Variants in CSNK1G1 observed in about 807,000 individuals in gnomAD.
CSNK1G1 encodes the protein casein kinase I isoform gamma-1.
A neutral mutation model predicts 59.6 loss-of-function variants in CSNK1G1; 22 were observed. That is an observed-to-expected ratio of 0.37 (90% confidence interval 0.26 to 0.53). The LOEUF is 0.53. Among genes scored for constraint, CSNK1G1 ranks in the 20% least tolerant of loss-of-function variants. The pLI is 0.89. For missense variants in CSNK1G1, 384 were observed against 519.5 expected, an observed-to-expected ratio of 0.74 and a Z score of 2.54; for synonymous variants, 179 against 177.1, an observed-to-expected ratio of 1.01 and a Z score of -0.08.
At position 64,333,257 on chromosome 15, in the gene CSNK1G1, C is replaced by CAAA. The variant is rs60857897; in HGVS notation, c.-225+22728_-225+22730dup. Among the ~76,000 whole-genome samples, 80 of 16,420 alleles carry CAAA rather than the reference C, an allele frequency of 4.9e-3. 6 individuals are homozygous for CAAA. Among genetic ancestry groups the CAAA allele is most frequent in the African/African-American group, 9.5e-3 (33 of 3,476 alleles). The allele number at this position is 16,420 out of a possible 152,430, so 10.8% of individuals were successfully genotyped here. ...GAGCAACAAGAGTGAGACTCCATCT[C>CAAA]AAAAAAAAAAAAAAAAAAAAAAAAA... On this transcript the variant is annotated intron_variant, in intron 1 of 11. Coordinates refer to ENST00000303052, the MANE Select transcript of CSNK1G1 (RefSeq NM_022048.5).
chr15:64,207,081 C>T (rs1482754892), intron 7 of CSNK1G1, among the ~76,000 whole-genome samples: 6 of 151,968 alleles, frequency 3.9e-5, no homozygotes, highest in African/African-American at 1.5e-4. Context: ...CACTGTCAAG[C>T]CTGGGAGGAA....
intron 2 of CSNK1G1, among the ~76,000 whole-genome samples, chr15:64,299,506 G>A (rs913069877): frequency 6.6e-6 from 1 of 151,508 alleles, no homozygotes; most frequent in Non-Finnish European, 1.5e-5. Flanking sequence ...GCAGGAGAAT[G>A]GCATGAACCC....
At chr15:64,226,422 G>A (rs951555838) in intron 4 of CSNK1G1, among the ~76,000 whole-genome samples, 1 of 152,126 alleles carries the variant, frequency 6.6e-6, no homozygotes, top group African/African-American at 2.4e-5. Context: ...GCTGGGCGTG[G>A]TGGTGCACGC....
intron 4 of CSNK1G1, among the ~76,000 whole-genome samples, chr15:64,226,595 AAGG>A (rs2082466299): frequency 6.7e-6 from 1 of 149,442 alleles, no homozygotes; most frequent in Non-Finnish European, 1.5e-5. Flanking sequence ...AAAAAAAAAA[AAGG>A]AGACTAACTC....
At chr15:64,212,588 C>T (rs561461989) in intron 6 of CSNK1G1, among the ~76,000 whole-genome samples, 49 of 152,262 alleles carry the variant, frequency 3.2e-4, no homozygotes, top group African/African-American at 1.1e-3. Flanking sequence ...TGATGGCATG[C>T]GCCTGTAACC....
intron 4 of CSNK1G1, among the ~76,000 whole-genome samples, chr15:64,239,212 A>C (rs2082661605): frequency 6.6e-6 from 1 of 152,236 alleles, no homozygotes; most frequent in African/African-American, 2.4e-5. Context: ...ATGCACAAAC[A>C]TCAACACAGT....
chr15:64,307,196 T>C (rs1318901424), intron 1 of CSNK1G1, among the ~76,000 whole-genome samples: 1 of 151,982 alleles, frequency 6.6e-6, no homozygotes, highest in African/African-American at 2.4e-5. Flanking sequence ...AAATGTAGCA[T>C]AGTAATGCAA....
intron 10 of CSNK1G1, among the ~76,000 whole-genome samples, chr15:64,189,101 G>A (rs1196691208): frequency 1.3e-5 from 2 of 152,280 alleles, no homozygotes; most frequent in Non-Finnish European, 2.9e-5. Context: ...ACTCCAGCCT[G>A]CGCGACAGAG....
intron 10 of CSNK1G1, among the ~76,000 whole-genome samples, chr15:64,196,133 C>T (rs949082987): frequency 2.0e-5 from 3 of 152,030 alleles, no homozygotes; most frequent in Non-Finnish European, 4.4e-5. Context: ...GGGAGGATTG[C>T]TTGAGCCCAG....
At chr15:64,345,227 T>A (rs962873310) in intron 1 of CSNK1G1, among the ~76,000 whole-genome samples, 4 of 152,200 alleles carry the variant, frequency 2.6e-5, no homozygotes, top group African/African-American at 9.7e-5. Flanking sequence ...TACATGAGAA[T>A]AAAATGTCTC....
chr15:64,355,212 C>A (rs1259691121), intron 1 of CSNK1G1, among the ~76,000 whole-genome samples: 3 of 152,186 alleles, frequency 2.0e-5, no homozygotes, highest in Non-Finnish European at 2.9e-5. Context: ...TACACCTGGA[C>A]TAGCCTATTG....
intron 1 of CSNK1G1, among the ~76,000 whole-genome samples, chr15:64,326,915 A>G (rs1896873351): frequency 3.3e-5 from 5 of 150,696 alleles, no homozygotes; most frequent in Middle Eastern, 6.8e-3. Context: ...GGGGTGACGG[A>G]CGCACCTGGA....
At chr15:64,191,598 A>G (rs2081971715) in intron 10 of CSNK1G1, among the ~76,000 whole-genome samples, 1 of 152,240 alleles carries the variant, frequency 6.6e-6, no homozygotes, top group African/African-American at 2.4e-5. Flanking sequence ...ATTTTTGTTT[A>G]AATGAAAATA....
intron 4 of CSNK1G1, among the ~76,000 whole-genome samples, chr15:64,243,693 T>C (rs1352621476): frequency 2.6e-5 from 4 of 152,138 alleles, no homozygotes; most frequent in Non-Finnish European, 5.9e-5. Context: ...TTTAAAAATG[T>C]AGTCAAGTTG....
At chr15:64,315,353 G>A (rs1458799945) in intron 1 of CSNK1G1, among the ~76,000 whole-genome samples, 1 of 152,146 alleles carries the variant, frequency 6.6e-6, no homozygotes, top group African/African-American at 2.4e-5. Flanking sequence ...AAAGTAAAGA[G>A]GTAGCAGGAG....
chr15:64,268,606 G>A (rs920603140), intron 2 of CSNK1G1, among the ~76,000 whole-genome samples: 3 of 152,040 alleles, frequency 2.0e-5, no homozygotes. Context: ...AGGTTAACTG[G>A]GGTGTTTTGT....
intron 4 of CSNK1G1, among the ~76,000 whole-genome samples, chr15:64,242,010 C>T (rs1395147786): frequency 1.3e-5 from 2 of 151,128 alleles, no homozygotes; most frequent in African/African-American, 2.4e-5. Flanking sequence ...AAATCAGAAA[C>T]GAAAAAGGAG....
intron 1 of CSNK1G1, among the ~76,000 whole-genome samples, chr15:64,346,059 GT>G: frequency 2.3e-5 from 1 of 43,944 alleles, no homozygotes; most frequent in Non-Finnish European, 6.7e-5. Flanking sequence ...AAAGTGCTGA[GT>G]GTGAGCCACT....
rs758530682 is a variant in CSNK1G1, at chr15:64,207,524, G to A, written c.750C>T (p.Pro250=). 6.2e-7 allele frequency: 1 copy of A among 1,613,074 alleles called. No homozygotes were observed. Among genetic ancestry groups the A allele is most frequent in the Non-Finnish European group, 8.5e-7 (1 of 1,179,072 alleles). ...MFMYFLRGSL[P]WQGLKADTLK... ...TCAAGGATACCTTGAGTCCTTGCCA[G>A]GGGAGGCTGCCTCGAAGGAAATACA... Residue 250 remains proline (P), a synonymous_variant, in exon 7 of 12, where the codon CCC becomes CCT. Transcript: ENST00000303052.
Sources: gnomAD v4.1 joint callset for allele counts (sites outside exome capture counted in the v4.1 genomes callset) on GRCh38, gnomAD v4.1.1 for gene constraint, MANE v1.5 for transcripts, NCBI Gene and HGNC (gene_info 2026-07-23, HGNC 2026-07-21) for gene names.